ZNF804B: variants seen among roughly 807,000 people sequenced by gnomAD.
ZNF804B encodes zinc finger protein 804B.
Under a neutral mutation model 101.4 loss-of-function variants are expected in ZNF804B, and 80 were observed. That is an observed-to-expected ratio of 0.79 (90% CI 0.66 to 0.95). ZNF804B has a LOEUF of 0.95. Ranked by LOEUF, ZNF804B falls within the 40% of genes least tolerant of loss-of-function variation. The pLI, the probability that ZNF804B is intolerant of heterozygous loss-of-function variation, is 0.00. For synonymous variants in ZNF804B, 622 were observed against 558.8 expected (o/e 1.11, Z -1.59); for missense variants, 1,673 against 1,561.9 (o/e 1.07, Z -1.20).
intron 1 of ZNF804B, among the ~76,000 whole-genome samples, chr7:89,197,442 T>C (rs930659865): frequency 2.0e-4 from 31 of 151,922 alleles, no homozygotes; most frequent in Non-Finnish European, 2.2e-4. Flanking sequence ...GATGGCTTCC[T>C]TTTGCAAATT....
intron 2 of ZNF804B, among the ~76,000 whole-genome samples, chr7:89,269,173 C>T (rs917982655): frequency 4.6e-5 from 7 of 152,206 alleles, no homozygotes; most frequent in African/African-American, 1.7e-4. Flanking sequence ...ATTAACTCGT[C>T]ATTTACATTA....
At chr7:88,928,068 C>T (rs1792833236) in intron 1 of ZNF804B, among the ~76,000 whole-genome samples, 1 of 152,068 alleles carries the variant, frequency 6.6e-6, no homozygotes, top group Non-Finnish European at 1.5e-5. Context: ...CAGACAGCCT[C>T]CTTAACATTT....
rs1441149300 is a variant in ZNF804B at position 89,337,050 on chromosome 7, C to T, written c.*18C>T. On this transcript the variant is annotated 3_prime_UTR_variant, in exon 4 of 4. Transcript: ENST00000333190. ...TGAACTAATAAGTGTTAAAGCCCCT[C>T]CTGTGGATAATTTTTTTAATTGTCA... The T allele has an allele frequency of 2.5e-6, 4 of 1,581,950 alleles. No homozygotes were observed. The highest frequency in any genetic ancestry group is 1.1e-5 in the South Asian group (1 of 87,594).
At chr7:89,202,636 A>G (rs1440052856) in intron 1 of ZNF804B, among the ~76,000 whole-genome samples, 1 of 152,156 alleles carries the variant, frequency 6.6e-6, no homozygotes, top group Non-Finnish European at 1.5e-5. Context: ...TTTTAGAGAC[A>G]CAAAAATTCT....
chr7:89,294,312 T>C, intron 2 of ZNF804B, among the ~76,000 whole-genome samples: 1 of 152,214 alleles, frequency 6.6e-6, no homozygotes, highest in East Asian at 1.9e-4. Context: ...TACCCTCACA[T>C]GTAAATGCTA....
chr7:89,052,232 G>A (rs1789217626), intron 1 of ZNF804B, among the ~76,000 whole-genome samples: 2 of 152,006 alleles, frequency 1.3e-5, no homozygotes, highest in African/African-American at 4.8e-5. Flanking sequence ...CCAGCTCCTG[G>A]GCTCAAGTGA....
At chr7:89,313,541 G>C (rs1355684206) in intron 2 of ZNF804B, among the ~76,000 whole-genome samples, 1 of 152,178 alleles carries the variant, frequency 6.6e-6, no homozygotes, top group Non-Finnish European at 1.5e-5. Context: ...AACACATAGA[G>C]ACTTACTGGC....
At chr7:88,810,240 G>A (rs1462635785) in intron 1 of ZNF804B, among the ~76,000 whole-genome samples, 1 of 151,270 alleles carries the variant, frequency 6.6e-6, no homozygotes, top group Non-Finnish European at 1.5e-5. Flanking sequence ...TATAATTATG[G>A]TTTTCTACCT....
chr7:89,009,695 C>T (rs564195829), intron 1 of ZNF804B, among the ~76,000 whole-genome samples: 1 of 152,298 alleles, frequency 6.6e-6, no homozygotes, highest in African/African-American at 2.4e-5. Flanking sequence ...CATGTGAGGA[C>T]ACAGGGAGAA....
chr7:89,025,812 G>A (rs1009798678), intron 1 of ZNF804B, among the ~76,000 whole-genome samples: 10 of 152,160 alleles, frequency 6.6e-5, no homozygotes, highest in Admixed American at 2.0e-4. Context: ...CTTGGATCAT[G>A]GTAGTAATTA....
intron 1 of ZNF804B, among the ~76,000 whole-genome samples, chr7:88,875,158 C>T (rs1156661603): frequency 1.4e-5 from 2 of 142,694 alleles, no homozygotes; most frequent in African/African-American, 2.8e-5. Context: ...ACATTCAAAG[C>T]AGTGTGTAGA....
chr7:88,875,769 CA>C (rs1338692901), intron 1 of ZNF804B, among the ~76,000 whole-genome samples: 1 of 152,116 alleles, frequency 6.6e-6, no homozygotes, highest in Non-Finnish European at 1.5e-5. Flanking sequence ...GAAACTATTC[CA>C]ATCAATAGAA....
intron 1 of ZNF804B, among the ~76,000 whole-genome samples, chr7:89,050,189 CA>C (rs200502721): frequency 2.7e-5 from 4 of 150,084 alleles, no homozygotes; most frequent in Non-Finnish European, 4.5e-5. Context: ...AAGGCAATGA[CA>C]AAAAAAAAGA....
At chr7:88,988,366 G>C (rs1793794929) in intron 1 of ZNF804B, among the ~76,000 whole-genome samples, 1 of 152,082 alleles carries the variant, frequency 6.6e-6, no homozygotes, top group East Asian at 1.9e-4. Context: ...ATTATCATCT[G>C]ACTTGTTTGT....
chr7:88,796,158 C>T (rs1404245291), intron 1 of ZNF804B, among the ~76,000 whole-genome samples: 2 of 151,982 alleles, frequency 1.3e-5, no homozygotes, highest in African/African-American at 4.8e-5. Context: ...TTAAGAGATG[C>T]ATCTCTTAAA....
rs985379343 is a variant in ZNF804B, at chr7:88,856,368, A to C, written c.108+96284A>C. On this transcript the variant is annotated intron_variant, in intron 1 of 3. Transcript: ENST00000333190. Reference sequence around the variant, plus strand: ...TAGGTATTTTATTCTCTTTGAAGCAACTGTGAATGGGAGTTCACTCATGAT... The same window carrying C: ...TAGGTATTTTATTCTCTTTGAAGCACCTGTGAATGGGAGTTCACTCATGAT... Among the ~76,000 whole-genome samples the C allele has an allele frequency of 1.8e-4, 27 of 152,184 alleles. 1 individual carries two copies. The highest frequency in any genetic ancestry group is 6.5e-4 in the African/African-American group (27 of 41,516).
At chr7:89,184,675 A>T (rs1788349301) in intron 1 of ZNF804B, among the ~76,000 whole-genome samples, 1 of 152,126 alleles carries the variant, frequency 6.6e-6, no homozygotes, top group African/African-American at 2.4e-5. Context: ...ACTCTGTGTT[A>T]TCTTTATGCA....
intron 1 of ZNF804B, among the ~76,000 whole-genome samples, chr7:89,029,489 G>C (rs995358578): frequency 1.3e-5 from 2 of 152,162 alleles, no homozygotes; most frequent in Admixed American, 1.3e-4. Context: ...TTTGGAATCA[G>C]ACTAAGTTTC....
At chr7:88,941,272 A>G (rs1793050520) in intron 1 of ZNF804B, among the ~76,000 whole-genome samples, 1 of 152,030 alleles carries the variant, frequency 6.6e-6, no homozygotes, top group Non-Finnish European at 1.5e-5. Flanking sequence ...GTATTTACCC[A>G]GAGGAGATGA....
Sources: gnomAD v4.1 joint callset for allele counts (sites outside exome capture counted in the v4.1 genomes callset) on GRCh38, gnomAD v4.1.1 for gene constraint, MANE v1.5 for transcripts, NCBI Gene and HGNC (gene_info 2026-07-23, HGNC 2026-07-21) for gene names.